The following HERC1 variants were observed in gnomAD, a reference collection of about 807,000 sequenced individuals.
The protein encoded by HERC1 is HECT and RLD domain containing E3 ubiquitin protein ligase family member 1.
In HERC1, 160 loss-of-function variants were observed where a neutral mutation model predicts 554.3. The ratio of observed to expected loss-of-function variants is 0.29; its 90% CI spans 0.25 to 0.33. HERC1 has a LOEUF of 0.33. Among genes scored for constraint, HERC1 ranks in the 10% least tolerant of loss-of-function variants. The pLI is 1.00. For synonymous variants in HERC1, 2,175 were observed against 2,131.7 expected (o/e 1.02, Z -0.56); for missense variants, 4,919 against 5,918.5 (o/e 0.83, Z 5.54).
At chr15:63,739,683 A>G (rs1156725272) in intron 12 of HERC1, among the ~76,000 whole-genome samples, 1 of 151,986 alleles carries the variant, frequency 6.6e-6, no homozygotes, top group Non-Finnish European at 1.5e-5. Flanking sequence ...TACTAAAAAT[A>G]CAAACACTAG....
rs777606490 is a variant in HERC1 at position 63,626,181 on chromosome 15, T to C, written c.13106-27A>G. The C allele has an allele frequency of 5.6e-6, 9 of 1,606,010 alleles. No homozygotes were observed. In the South Asian group the frequency reaches 7.8e-5, roughly 14 times the overall value. On this transcript the variant is annotated intron_variant, in intron 70 of 77. Coordinates refer to ENST00000443617, the MANE Select transcript of HERC1 (RefSeq NM_003922.4). ...TGTCCAGAAAGCAAATGGGCACTTA[T>C]GAAGGAAACAGCATTGCTTTCACTT... is the stretch of plus-strand genomic sequence containing the variant.
At chr15:63,764,005 C>T in intron 3 of HERC1, 91 bp downstream of exon 3, 17 of 538,766 alleles carry the variant, frequency 3.2e-5, no homozygotes, top group East Asian at 1.0e-4. Context: ...TGTAGCTTTT[C>T]CAGAGAAAAT....
chr15:63,666,292 G>T, intron 41 of HERC1, 64 bp downstream of exon 41: 1 of 1,401,094 alleles, frequency 7.1e-7, no homozygotes, highest in Admixed American at 2.0e-5. Context: ...TAAAAGTTAT[G>T]TTGTCTTTAA....
At chr15:63,629,085 G>C (rs1276125381) in intron 69 of HERC1, among the ~76,000 whole-genome samples, 1 of 151,964 alleles carries the variant, frequency 6.6e-6, no homozygotes, top group East Asian at 1.9e-4. Context: ...AAGTGGCTGA[G>C]ATTACAGGTG....
Position 63,656,121 on chromosome 15 carries a change from A to C in HERC1, c.9837T>G (p.Ser3279Arg). The change falls in exon 49 of 78, where the codon AGT becomes AGG. Residue 3279 changes from serine (S) to arginine (R), a missense_variant. Transcript: ENST00000443617. Reference sequence around the variant, plus strand: ...ACAACTGTACAAGCAGTTTGGCAGCACTAGGAGCATTTGATGCCAGACATC... The same window carrying C: ...ACAACTGTACAAGCAGTTTGGCAGCCCTAGGAGCATTTGATGCCAGACATC... ...AVGCLASNAP[S>R]AAKLLVQLCT... The C allele has an allele frequency of 6.2e-7, 1 of 1,612,966 alleles. No homozygotes were observed. Among genetic ancestry groups the C allele is most frequent in the South Asian group, 1.1e-5 (1 of 90,820 alleles).
chr15:63,806,313 G>A (rs1368107388), intron 1 of HERC1, among the ~76,000 whole-genome samples: 1 of 151,872 alleles, frequency 6.6e-6, no homozygotes, highest in East Asian at 1.9e-4. Context: ...ATCTTTACCT[G>A]TCAAAATCCA....
chr15:63,688,197 G>A (rs2071890987), intron 33 of HERC1, among the ~76,000 whole-genome samples: 1 of 152,128 alleles, frequency 6.6e-6, no homozygotes, highest in African/African-American at 2.4e-5. Flanking sequence ...AGATGAGGAG[G>A]TAGGCAAATT....
chr15:63,732,951 G>T lies in HERC1; in HGVS notation c.2841C>A (p.Thr947=). 2.5e-6 allele frequency: 4 copies of T among 1,612,482 alleles called. No homozygotes were observed. Among genetic ancestry groups the T allele is most frequent in the Non-Finnish European group, 3.4e-6 (4 of 1,178,702 alleles). Residue 947 remains threonine, a synonymous_variant, in exon 14 of 78, where the codon ACC becomes ACA. Transcript: ENST00000443617. ...DTHLAEILMK[T]LLRNLGFYTD... ...TATAAAATCCTAAATTTCTTAAGAG[G>T]GTCTTCATCAAAATTTCAGCCAGGT...
chr15:63,625,857 G>A, intron 71 of HERC1, 128 bp downstream of exon 71: 1 of 926,894 alleles, frequency 1.1e-6, no homozygotes, highest in South Asian at 1.4e-5. Context: ...GAATAGAAGT[G>A]TTATCTTATT....
intron 1 of HERC1, among the ~76,000 whole-genome samples, chr15:63,803,485 C>T (rs955205612): frequency 1.3e-5 from 2 of 152,034 alleles, no homozygotes; most frequent in African/African-American, 4.8e-5. Context: ...GGCAGCGACA[C>T]AATCATAATT....
At chr15:63,709,519 G>A (rs1314875292) in intron 24 of HERC1, among the ~76,000 whole-genome samples, 1 of 152,058 alleles carries the variant, frequency 6.6e-6, no homozygotes, top group Non-Finnish European at 1.5e-5. Context: ...AGTACAACAG[G>A]CATTATTCTC....
intron 22 of HERC1, chr15:63,713,868 A>G: frequency 2.1e-6 from 1 of 481,772 alleles, no homozygotes. Context: ...CATAAAAATT[A>G]CATTAGGAAA....
At chr15:63,653,640 T>C (rs1347843525) in intron 51 of HERC1, among the ~76,000 whole-genome samples, 4 of 152,174 alleles carry the variant, frequency 2.6e-5, no homozygotes, top group African/African-American at 4.8e-5. Flanking sequence ...GCATAGAACA[T>C]ATATATATCC....
chr15:63,820,231 C>T (rs932672520), intron 1 of HERC1, among the ~76,000 whole-genome samples: 1 of 152,092 alleles, frequency 6.6e-6, no homozygotes, highest in Admixed American at 6.5e-5. Context: ...ACTCCCCCAC[C>T]ACACCACCAT....
intron 42 of HERC1, 81 bp downstream of exon 42, chr15:63,665,838 G>A: frequency 1.0e-6 from 1 of 955,556 alleles, no homozygotes; most frequent in Non-Finnish European, 1.6e-6. Context: ...ACAATTAGAA[G>A]CATTTATGAC....
intron 43 of HERC1, among the ~76,000 whole-genome samples, chr15:63,663,665 C>T (rs1235101629): frequency 1.3e-5 from 2 of 152,102 alleles, no homozygotes; most frequent in Admixed American, 1.3e-4. Context: ...TGCTATGTGG[C>T]CCAGGCTGGT....
intron 1 of HERC1, among the ~76,000 whole-genome samples, chr15:63,829,559 GTGTATATATATATATATATATATA>G (rs1238616990): frequency 4.2e-5 from 4 of 94,680 alleles, no homozygotes; most frequent in South Asian, 3.5e-4. Flanking sequence ...GTGTGTGTGT[GTGTATATATATATATATATATATA>G]TATATATATA....
At chr15:63,752,083 G>A (rs1232147089) in intron 8 of HERC1, among the ~76,000 whole-genome samples, 2 of 152,140 alleles carry the variant, frequency 1.3e-5, no homozygotes, top group Non-Finnish European at 2.9e-5. Flanking sequence ...AAAAACCATA[G>A]TGAGAAACAC....
At chr15:63,611,487 T>A (rs1314871258) in intron 77 of HERC1, among the ~76,000 whole-genome samples, 1 of 152,222 alleles carries the variant, frequency 6.6e-6, no homozygotes, top group Admixed American at 6.5e-5. Context: ...ATGGCAGAGA[T>A]GCAGCCCTGC....
Sources: gnomAD v4.1 joint callset for allele counts (sites outside exome capture counted in the v4.1 genomes callset) on GRCh38, gnomAD v4.1.1 for gene constraint, MANE v1.5 for transcripts, NCBI Gene and HGNC (gene_info 2026-07-23, HGNC 2026-07-21) for gene names.